Variants in SOS2 observed in about 807,000 individuals in gnomAD.
SOS2 encodes the protein son of sevenless homolog 2.
A neutral mutation model predicts 148.2 loss-of-function variants in SOS2; 65 were observed. The observed-to-expected ratio is 0.44, with a 90% CI of 0.36 to 0.54. The LOEUF (loss-of-function observed/expected upper bound fraction) is 0.54, where lower values mean the gene tolerates loss of function less well. SOS2 is among the 20% of genes least tolerant of loss of function. SOS2 has a pLI of 0.00. For synonymous variants in SOS2, 539 were observed against 537.1 expected (o/e 1.00, Z -0.05); for missense variants, 1,341 against 1,590.2 (o/e 0.84, Z 2.67).
intron 18 of SOS2, among the ~76,000 whole-genome samples, chr14:50,135,484 T>A (rs1048638903): frequency 1.9e-4 from 28 of 151,102 alleles, no homozygotes; most frequent in Non-Finnish European, 3.5e-4. Context: ...TATTAGACTA[T>A]CTTCCAATGA....
At chr14:50,182,418 G>A in intron 6 of SOS2, 45 bp downstream of exon 6, 2 of 1,566,034 alleles carry the variant, frequency 1.3e-6, no homozygotes, top group Non-Finnish European at 1.8e-6. Flanking sequence ...TCTTACTACA[G>A]CATTTAGGGC....
rs770720095 is a variant in SOS2, at chr14:50,149,996, T to G, written c.2384+12A>C. On this transcript the variant is annotated intron_variant, in intron 14 of 22. Coordinates refer to ENST00000216373, the MANE Select transcript of SOS2 (RefSeq NM_006939.4). ...TTAAAAATAAAGCAAGACATTAACA[T>G]TAATTGTCTACCTGTAAAGATCAGA... is the stretch of plus-strand genomic sequence containing the variant. 4.6e-6 allele frequency: 7 copies of G among 1,509,938 alleles called. No individual in the cohort carries two copies. Among genetic ancestry groups the G allele is most frequent in the Non-Finnish European group, 6.5e-6 (7 of 1,085,262 alleles). The allele number at this position is 1,509,938 out of a possible 1,614,324, so 93.5% of individuals were successfully genotyped here.
intron 18 of SOS2, among the ~76,000 whole-genome samples, chr14:50,136,388 T>C (rs528239223): frequency 6.6e-6 from 1 of 152,252 alleles, no homozygotes; most frequent in African/African-American, 2.4e-5. Context: ...CAAACACCAA[T>C]TAGCAGGTAT....
chr14:50,190,174 A>T (rs1292543568), intron 4 of SOS2, among the ~76,000 whole-genome samples: 1 of 152,030 alleles, frequency 6.6e-6, no homozygotes, highest in Non-Finnish European at 1.5e-5. Context: ...TTTTATAATT[A>T]ATAATACTTT....
intron 1 of SOS2, among the ~76,000 whole-genome samples, chr14:50,213,797 G>A (rs1886960571): frequency 6.6e-6 from 1 of 151,564 alleles, no homozygotes; most frequent in South Asian, 2.1e-4. Context: ...AAGTGTGTGT[G>A]TGGTTGGAGG....
intron 2 of SOS2, among the ~76,000 whole-genome samples, chr14:50,202,639 G>A (rs1175351021): frequency 6.6e-6 from 1 of 152,154 alleles, no homozygotes; most frequent in Non-Finnish European, 1.5e-5. Context: ...GAAGGCTGAG[G>A]CAGGAGAACT....
chr14:50,188,127 G>T (rs1394723759), intron 5 of SOS2, among the ~76,000 whole-genome samples: 1 of 152,174 alleles, frequency 6.6e-6, no homozygotes, highest in Non-Finnish European at 1.5e-5. Context: ...TATGGGCTGG[G>T]TGCAGTGGAT....
chr14:50,148,487 C>A (rs80019023), intron 14 of SOS2, among the ~76,000 whole-genome samples: 1,650 of 151,888 alleles, frequency 0.011, 37 homozygotes, highest in African/African-American at 0.037. Context: ...AAAGTAGGTC[C>A]ACATGAAGTG....
intron 1 of SOS2, among the ~76,000 whole-genome samples, chr14:50,224,317 ACACACACAC>A: frequency 8.6e-5 from 1 of 11,600 alleles, no homozygotes; most frequent in Non-Finnish European, 4.1e-4. Context: ...ATATATATAC[ACACACACAC>A]ACACACACAC....
intron 1 of SOS2, among the ~76,000 whole-genome samples, chr14:50,223,737 T>TG: frequency 6.6e-6 from 1 of 151,836 alleles, no homozygotes; most frequent in East Asian, 1.9e-4. Flanking sequence ...CCCAGCTATA[T>TG]GGGGGCGGCA....
At chr14:50,203,853 G>A (rs1453425245) in intron 2 of SOS2, among the ~76,000 whole-genome samples, 1 of 149,506 alleles carries the variant, frequency 6.7e-6, no homozygotes, top group Non-Finnish European at 1.5e-5. Flanking sequence ...TGGGATTACA[G>A]GTGTGAGCCA....
At chr14:50,125,908 A>AT (rs1365097764) in intron 21 of SOS2, among the ~76,000 whole-genome samples, 1 of 152,222 alleles carries the variant, frequency 6.6e-6, no homozygotes, top group African/African-American at 2.4e-5. Flanking sequence ...ACATGGCGAG[A>AT]TTGCCCCAGG....
intron 4 of SOS2, among the ~76,000 whole-genome samples, chr14:50,191,871 A>T (rs1042463208): frequency 9.9e-5 from 15 of 152,102 alleles, no homozygotes; most frequent in Non-Finnish European, 1.8e-4. Flanking sequence ...TCAAAAATTT[A>T]AAAAACAAAC....
At chr14:50,135,005 G>A (rs186687730) in intron 18 of SOS2, among the ~76,000 whole-genome samples, 12 of 144,816 alleles carry the variant, frequency 8.3e-5, no homozygotes, top group Middle Eastern at 3.7e-3. Context: ...CCTGGCAGGC[G>A]GAGGTTGAGG....
chr14:50,189,340 A>AAAAAAAAAAAAAAAAAAAAAAC (rs1886043464), intron 4 of SOS2, among the ~76,000 whole-genome samples: 1 of 145,694 alleles, frequency 6.9e-6, no homozygotes. Context: ...GCAAAAAAAA[A>AAAAAAAAAAAAAAAAAAAAAAC]AAAAAAAAGC....
intron 1 of SOS2, among the ~76,000 whole-genome samples, chr14:50,212,941 G>C (rs1886926948): frequency 6.6e-6 from 1 of 152,170 alleles, no homozygotes; most frequent in African/African-American, 2.4e-5. Context: ...AATATCAAAC[G>C]CCATGCTAAC....
chr14:50,153,601 T>C (rs1228387255), intron 12 of SOS2, among the ~76,000 whole-genome samples: 1 of 152,168 alleles, frequency 6.6e-6, no homozygotes, highest in African/African-American at 2.4e-5. Context: ...TAAATGCAAG[T>C]GCTATCATCA....
rs1887542837 is a variant in SOS2 at position 50,231,406 on chromosome 14, C to A, written c.-123G>T. 5.3e-6 allele frequency: 1 copy of A among 189,974 alleles called. No homozygotes were observed. The highest frequency in any genetic ancestry group is 1.7e-4 in the South Asian group (1 of 5,820). 11.8% of individuals were successfully genotyped at this position (189,974 alleles called of 1,614,324 possible). ...CCGCCTCCCGCCCGGGCCGAGGCTA[C>A]GGCCGAGGCGGCTCGGAGGCGGCGC... On this transcript the variant is annotated 5_prime_UTR_variant, in exon 1 of 23. Transcript: ENST00000216373.
At chr14:50,129,762 C>A (rs1011180068) in intron 21 of SOS2, among the ~76,000 whole-genome samples, 199 bp downstream of exon 21, 9 of 152,042 alleles carry the variant, frequency 5.9e-5, no homozygotes, top group African/African-American at 1.7e-4. Flanking sequence ...GCCATACAGC[C>A]CTTAGAACAG....
Sources: gnomAD v4.1 joint callset for allele counts (sites outside exome capture counted in the v4.1 genomes callset) on GRCh38, gnomAD v4.1.1 for gene constraint, MANE v1.5 for transcripts, NCBI Gene and HGNC (gene_info 2026-07-23, HGNC 2026-07-21) for gene names.